Variants in NRXN3 observed in about 807,000 individuals in gnomAD.
The protein encoded by NRXN3 is neurexin 3, also known as neurexin III.
Under a neutral mutation model 137.6 loss-of-function variants are expected in NRXN3, and 32 were observed. The ratio of observed to expected loss-of-function variants is 0.23; its 90% CI spans 0.18 to 0.31. The LOEUF (loss-of-function observed/expected upper bound fraction) is 0.31. NRXN3 is among the 10% of genes least tolerant of loss of function. The pLI is 1.00. For missense variants in NRXN3, 1,574 were observed against 2,062.5 expected (o/e 0.76, Z 4.59); for synonymous variants, 798 against 784.5 (o/e 1.02, Z -0.29).
intron 4 of NRXN3, among the ~76,000 whole-genome samples, chr14:78,506,643 GTT>G (rs71131653): frequency 0.02 from 2,040 of 104,068 alleles, 8 homozygotes; most frequent in East Asian, 0.035. Context: ...TCTCATTGTA[GTT>G]TTTTTTTTTT....
At chr14:78,388,045 C>T (rs773422972) in intron 4 of NRXN3, among the ~76,000 whole-genome samples, 6 of 152,114 alleles carry the variant, frequency 3.9e-5, no homozygotes, top group East Asian at 3.9e-4. Flanking sequence ...AAAAATATCA[C>T]GGATCTTTAA....
At chr14:79,227,574 G>A (rs2071173653) in intron 15 of NRXN3, among the ~76,000 whole-genome samples, 1 of 151,900 alleles carries the variant, frequency 6.6e-6, no homozygotes, top group Non-Finnish European at 1.5e-5. Context: ...TTTGTCAAGG[G>A]GTTTCATTTT....
At chr14:78,791,674 G>A (rs533002565) in intron 8 of NRXN3, among the ~76,000 whole-genome samples, 3 of 152,234 alleles carry the variant, frequency 2.0e-5, no homozygotes, top group South Asian at 4.1e-4. Context: ...AAGTCACCAG[G>A]AGCACATGGA....
intron 15 of NRXN3, among the ~76,000 whole-genome samples, chr14:79,202,951 C>T (rs2066267001): frequency 6.6e-6 from 1 of 152,136 alleles, no homozygotes; most frequent in Admixed American, 6.5e-5. Context: ...TTTAAGGAAT[C>T]TCCACACTAG....
At chr14:78,316,411 T>C (rs973792056) in intron 4 of NRXN3, among the ~76,000 whole-genome samples, 3 of 152,230 alleles carry the variant, frequency 2.0e-5, no homozygotes, top group South Asian at 4.1e-4. Context: ...TATAATAAGA[T>C]ATTTTGGGGT....
chr14:79,517,276 G>A (rs8022699), intron 16 of NRXN3, among the ~76,000 whole-genome samples: 144,200 of 152,288 alleles, frequency 0.95, 68,314 homozygotes, highest in East Asian at 1. Context: ...TTTAGAAATC[G>A]TTTGTATGAA....
chr14:78,728,951 T>C (rs1416577691), intron 8 of NRXN3, among the ~76,000 whole-genome samples: 2 of 152,276 alleles, frequency 1.3e-5, no homozygotes, highest in African/African-American at 2.4e-5. Flanking sequence ...CCCAGTTCCA[T>C]TGCTCACTAT....
chr14:79,536,616 T>C (rs1474328667), intron 16 of NRXN3, among the ~76,000 whole-genome samples: 1 of 152,016 alleles, frequency 6.6e-6, no homozygotes, highest in East Asian at 1.9e-4. Flanking sequence ...TCTCTCCTTC[T>C]ACTCCCCAGC....
At chr14:79,780,243 C>T (rs1568227292) in intron 19 of NRXN3, among the ~76,000 whole-genome samples, 2 of 150,308 alleles carry the variant, frequency 1.3e-5, no homozygotes, top group Admixed American at 6.6e-5. Context: ...GAGATAGATA[C>T]TCAAGCTCTA....
chr14:79,280,745 A>C (rs1376583811), intron 15 of NRXN3: 1 of 573,600 alleles, frequency 1.7e-6, no homozygotes, highest in East Asian at 3.0e-5. Flanking sequence ...AACCATCTCC[A>C]CTTTTCTCTA....
chr14:79,809,111 G>A (rs529728555), intron 20 of NRXN3, among the ~76,000 whole-genome samples: 6 of 152,218 alleles, frequency 3.9e-5, no homozygotes, highest in South Asian at 2.1e-4. Flanking sequence ...AGGATTTGTC[G>A]ACTAAATTAG....
At position 78,702,451 on chromosome 14, in the gene NRXN3, C is replaced by CTTTTCTTT. The variant is rs151197180; in HGVS notation, c.1222-6764_1222-6763insTTCTTTTT. On this transcript the variant is annotated intron_variant, in intron 6 of 20. Transcript: ENST00000335750. Reference sequence around the variant, plus strand: ...AAGAGAGAATCTTTCTTTTTCTTTTCTTATTTTTTTTGAGATGGAGTCTCA... The same window carrying CTTTTCTTT: ...AAGAGAGAATCTTTCTTTTTCTTTTCTTTTCTTTTTATTTTTTTTGAGATGGAGTCTCA... 1.8e-4 allele frequency among the ~76,000 whole-genome samples: 22 copies of CTTTTCTTT among 122,708 alleles called. 6 individuals are homozygous for CTTTTCTTT. The highest frequency in any genetic ancestry group is 8.9e-4 in the East Asian group (4 of 4,476). The allele number at this position is 122,708 out of a possible 152,430, so 80.5% of individuals were successfully genotyped here. A position where few individuals can be genotyped will look rare whatever the true frequency, so the allele number is the denominator to read the frequency against.
intron 4 of NRXN3, among the ~76,000 whole-genome samples, chr14:78,390,196 G>A (rs548354529): frequency 6.6e-6 from 1 of 152,240 alleles, no homozygotes; most frequent in South Asian, 2.1e-4. Flanking sequence ...TGCTTATTGG[G>A]CTATACCAGT....
At chr14:79,253,523 T>A (rs145741149) in intron 15 of NRXN3, among the ~76,000 whole-genome samples, 1,935 of 152,322 alleles carry the variant, frequency 0.013, 45 homozygotes, top group African/African-American at 0.044. Flanking sequence ...TAGTTTCTTC[T>A]TATATTGCTA....
intron 8 of NRXN3, among the ~76,000 whole-genome samples, chr14:78,792,238 G>A (rs115298428): frequency 0.01 from 391 of 37,916 alleles, 2 homozygotes; most frequent in African/African-American, 0.032. Context: ...AAAGGAAAAG[G>A]GAGATTGTAG....
chr14:79,799,208 A>G (rs1357625579), intron 19 of NRXN3, among the ~76,000 whole-genome samples: 1 of 152,230 alleles, frequency 6.6e-6, no homozygotes, highest in African/African-American at 2.4e-5. Context: ...AGAACAAAGT[A>G]ATTTCAACAC....
At chr14:78,315,717 G>C (rs1380412078) in intron 4 of NRXN3, among the ~76,000 whole-genome samples, 1 of 152,086 alleles carries the variant, frequency 6.6e-6, no homozygotes, top group Non-Finnish European at 1.5e-5. Context: ...TGATTCAATA[G>C]GATTTTGTTT....
At chr14:79,594,855 C>T (rs1357163012) in intron 16 of NRXN3, among the ~76,000 whole-genome samples, 1 of 152,052 alleles carries the variant, frequency 6.6e-6, no homozygotes, top group Non-Finnish European at 1.5e-5. Context: ...GGGTACAAGT[C>T]CCTGTTTATT....
Position 79,561,214 on chromosome 14 carries a change from G to GA in NRXN3, c.3444+93814dup, listed in dbSNP as rs2097493038. ...GTCAAATTGTCTTTCTCCAGCTGTT[G>GA]AATACAACTCATAATGCTATTCAAT... On this transcript the variant is annotated intron_variant, in intron 16 of 20. Coordinates refer to ENST00000335750, the MANE Select transcript of NRXN3 (RefSeq NM_001330195.2). 1.3e-5 allele frequency among the ~76,000 whole-genome samples: 2 copies of GA among 152,104 alleles called. 1 individual carries two copies. The highest frequency in any genetic ancestry group is 4.1e-4 in the South Asian group (2 of 4,820).
Sources: allele counts gnomAD v4.1 joint callset (sites outside exome capture counted in the v4.1 genomes callset), GRCh38; gene constraint gnomAD v4.1.1; transcripts MANE v1.5; gene names NCBI Gene and HGNC (gene_info 2026-07-23, HGNC 2026-07-21).